Variants in CPPED1 observed in about 807,000 individuals in gnomAD.
The protein encoded by CPPED1 is calcineurin like phosphoesterase domain containing 1.
A neutral mutation model predicts 28.0 loss-of-function variants in CPPED1; 28 were observed. The observed-to-expected ratio is 1.00, with a 90% CI of 0.74 to 1.37. The LOEUF is 1.37. CPPED1 is among the 40% of genes most tolerant of loss of function. The pLI is 0.00. For synonymous variants in CPPED1, 198 were observed against 180.2 expected, an observed-to-expected ratio of 1.10 and a Z score of -0.79; for missense variants, 504 against 416.5, an observed-to-expected ratio of 1.21 and a Z score of -1.83.
At chr16:12,791,073 A>C (rs944904501) in intron 1 of CPPED1, among the ~76,000 whole-genome samples, 2 of 150,384 alleles carry the variant, frequency 1.3e-5, no homozygotes, top group Non-Finnish European at 3.0e-5. Context: ...TTTTACTTTA[A>C]GTTCTGGGAT....
rs182780517 is a variant in CPPED1, at chr16:12,682,410, A to C, written c.716-17295T>G. Among the ~76,000 whole-genome samples the C allele has an allele frequency of 2.5e-4, 38 of 152,276 alleles. No homozygotes were observed. The highest frequency in any genetic ancestry group is 7.2e-4 in the Admixed American group (11 of 15,294). On this transcript the variant is annotated intron_variant, in intron 3 of 3. Coordinates refer to ENST00000381774, the MANE Select transcript of CPPED1 (RefSeq NM_018340.3). This position sits in a 1 kb window ranked among gnomAD's most constrained non-coding sequence, Gnocchi z 6.1. ...CCCCTTCCTGATGACTTACAGATTC[A>C]AAACCTGTAGAATATGCAAGAGGAG...
At chr16:12,694,524 T>C (rs1009502589) in intron 3 of CPPED1, among the ~76,000 whole-genome samples, 1 of 152,076 alleles carries the variant, frequency 6.6e-6, no homozygotes, top group African/African-American at 2.4e-5. Context: ...CAGTTAGTCT[T>C]TTATCTAGGT....
chr16:12,671,158 T>C (rs1469761732), intron 3 of CPPED1, among the ~76,000 whole-genome samples: 1 of 152,182 alleles, frequency 6.6e-6, no homozygotes, highest in Non-Finnish European at 1.5e-5. Context: ...GCTGTATTTT[T>C]AAAAGTATAC....
At chr16:12,777,217 T>C (rs139416462) in intron 2 of CPPED1, among the ~76,000 whole-genome samples, 2 of 152,232 alleles carry the variant, frequency 1.3e-5, no homozygotes, top group Non-Finnish European at 2.9e-5. Context: ...GAATTATTCC[T>C]GTATTAACTG....
chr16:12,713,645 G>A (rs117402483), intron 2 of CPPED1, among the ~76,000 whole-genome samples: 2,480 of 152,114 alleles, frequency 0.016, 26 homozygotes, highest in Non-Finnish European at 0.027. Flanking sequence ...ACAGGTGTGA[G>A]CCACCACACC....
At chr16:12,717,096 G>A (rs1317984358) in intron 2 of CPPED1, among the ~76,000 whole-genome samples, 2 of 152,122 alleles carry the variant, frequency 1.3e-5, no homozygotes, top group African/African-American at 4.8e-5. Context: ...ATAGTAGGGT[G>A]AGGGTGGAGA....
In CPPED1 at chr16:12,764,405, G is replaced by C. The variant is rs138976146; in HGVS notation, c.289+16780C>G. ...TTTTTGTAGAGAGGGGTTTCACCAT[G>C]CTGGCCAGGCTGGTCTCGAATTCCT... On this transcript the variant is annotated intron_variant, in intron 2 of 3. Coordinates refer to ENST00000381774, the MANE Select transcript of CPPED1 (RefSeq NM_018340.3). 6.6e-3 allele frequency among the ~76,000 whole-genome samples: 1,000 copies of C among 152,196 alleles called. 11 individuals are homozygous for C. Among genetic ancestry groups the C allele is most frequent in the African/African-American group, 0.022 (925 of 41,542 alleles).
At chr16:12,706,800 C>T (rs79453215) in intron 2 of CPPED1, among the ~76,000 whole-genome samples, 5,122 of 152,192 alleles carry the variant, frequency 0.034, 123 homozygotes, top group East Asian at 0.1. Flanking sequence ...GCTGAGCAGA[C>T]TGGGCTTCAG....
chr16:12,698,429 GA>G (rs987150163), intron 3 of CPPED1, among the ~76,000 whole-genome samples: 11 of 151,782 alleles, frequency 7.2e-5, no homozygotes, highest in South Asian at 6.3e-4. Context: ...TTAAAACTTT[GA>G]ATTTTTTTTA....
intron 2 of CPPED1, among the ~76,000 whole-genome samples, chr16:12,723,195 C>G (rs530351565): frequency 6.6e-6 from 1 of 152,294 alleles, no homozygotes; most frequent in South Asian, 2.1e-4. Flanking sequence ...GGGTGTCATT[C>G]CTTTGTCTTC....
Position 12,664,453 on chromosome 16 carries a change from A to C in CPPED1, c.*433T>G. On this transcript the variant is annotated 3_prime_UTR_variant, in exon 4 of 4. Transcript: ENST00000381774. This position sits in a 1 kb window ranked among gnomAD's most constrained non-coding sequence, Gnocchi z 4.2. Reference sequence around the variant, plus strand: ...ACTTTGTTTTGCCTAGCGTTTTGGGAATCGTGACCACAATTTAATACAATC... The same window carrying C: ...ACTTTGTTTTGCCTAGCGTTTTGGGCATCGTGACCACAATTTAATACAATC... The C allele has an allele frequency of 9.9e-7, 1 of 1,007,590 alleles. No homozygotes were observed. The allele number at this position is 1,007,590 out of a possible 1,614,324, so 62.4% of individuals were successfully genotyped here.
At chr16:12,800,431 C>CAA (rs11303196) in intron 1 of CPPED1, among the ~76,000 whole-genome samples, 6 of 90,270 alleles carry the variant, frequency 6.6e-5, no homozygotes, top group Non-Finnish European at 1.0e-4. Flanking sequence ...GACTCTGTCT[C>CAA]AAAAAAAAAA....
chr16:12,714,897 T>A (rs999808467), intron 2 of CPPED1, among the ~76,000 whole-genome samples: 2 of 152,192 alleles, frequency 1.3e-5, no homozygotes, highest in African/African-American at 4.8e-5. Context: ...TTTCTGCCTA[T>A]GCTTTCTTCT....
At chr16:12,705,115 G>A (rs2080042961) in intron 2 of CPPED1, 66 bp from the exon 3 acceptor site, 8 of 1,449,196 alleles carry the variant, frequency 5.5e-6, no homozygotes, top group Admixed American at 2.3e-5. Flanking sequence ...ACTAACTTAA[G>A]TACTTACTAA....
At chr16:12,769,621 G>T (rs894187815) in intron 2 of CPPED1, among the ~76,000 whole-genome samples, 1 of 152,118 alleles carries the variant, frequency 6.6e-6, no homozygotes, top group South Asian at 2.1e-4. Context: ...GCAGAAGGGC[G>T]GCATTGTCAC....
intron 1 of CPPED1, among the ~76,000 whole-genome samples, chr16:12,797,485 G>C (rs1020269655): frequency 5.3e-5 from 8 of 151,816 alleles, no homozygotes; most frequent in East Asian, 3.9e-4. Flanking sequence ...AGCCCAGGAG[G>C]GGGAGGCTGC....
At chr16:12,776,410 T>C (rs553395146) in intron 2 of CPPED1, among the ~76,000 whole-genome samples, 1 of 152,324 alleles carries the variant, frequency 6.6e-6, no homozygotes, top group South Asian at 2.1e-4. Context: ...ATAATACTGA[T>C]ATGGTTTTGC....
At chr16:12,797,041 G>A (rs7201489) in intron 1 of CPPED1, among the ~76,000 whole-genome samples, 5,414 of 152,226 alleles carry the variant, frequency 0.036, 326 homozygotes, top group African/African-American at 0.12. Context: ...TGAAATGTCC[G>A]GAAAAGGCCC....
At chr16:12,795,586 C>T (rs914053965) in intron 1 of CPPED1, among the ~76,000 whole-genome samples, 4 of 152,118 alleles carry the variant, frequency 2.6e-5, no homozygotes, top group African/African-American at 9.7e-5. Context: ...GCGATCCACT[C>T]GCCTCAGCCT....
Sources: allele counts gnomAD v4.1 joint callset (sites outside exome capture counted in the v4.1 genomes callset), GRCh38; gene constraint gnomAD v4.1.1; non-coding constraint Gnocchi (gnomAD v3.1); transcripts MANE v1.5; gene names NCBI Gene and HGNC (gene_info 2026-07-23, HGNC 2026-07-21).